MARK3: variants seen among roughly 807,000 people sequenced by gnomAD.
MARK3 encodes MAP/microtubule affinity-regulating kinase 3.
A neutral mutation model predicts 90.1 loss-of-function variants in MARK3; 46 were observed. That is an observed-to-expected ratio of 0.51 (90% CI 0.40 to 0.65). MARK3 has a LOEUF of 0.65. Among genes scored for constraint, MARK3 ranks in the 30% least tolerant of loss-of-function variants. MARK3 has a pLI of 0.00. For synonymous variants in MARK3, 321 were observed against 332.6 expected (o/e 0.97, Z 0.38); for missense variants, 818 against 947.2 (o/e 0.86, Z 1.79).
intron 14 of MARK3, chr14:103,491,000 A>G (rs2094006396): frequency 7.8e-7 from 1 of 1,287,974 alleles, no homozygotes; most frequent in Non-Finnish European, 1.0e-6. Context: ...CAGTTTGTAC[A>G]TCTACCTGTC....
Position 103,503,049 on chromosome 14 carries a change from G to A in MARK3, c.2084G>A (p.Arg695His), listed in dbSNP as rs759433768. The A allele has an allele frequency of 3.3e-5, 54 of 1,614,132 alleles. 1 individual carries two copies. The Admixed American group carries it at 4.8e-4, about 14-fold the overall frequency. The stretch of plus-strand genomic sequence containing the variant: ...AACTGCGACTATGAGCAGAGGGAGC[G>A]CTTCTTGCTCTTCTGCGTCCACGGA... ...ANNCDYEQRE[R>H]FLLFCVHGDG... is the part of the protein sequence containing the mutation. Residue 695 changes from arginine (R) to histidine (H), a missense_variant, in exon 18 of 18, where the codon CGC becomes CAC. By Grantham distance (29) the Arg-to-His change is conservative. This residue lies in a region of MARK3 where 560 missense variants were observed against 613.5 expected (regional missense o/e 0.91). Transcript: ENST00000429436.
At chr14:103,445,878 T>G (rs1216692792) in intron 3 of MARK3, among the ~76,000 whole-genome samples, 3 of 152,238 alleles carry the variant, frequency 2.0e-5, no homozygotes, top group Non-Finnish European at 2.9e-5. Flanking sequence ...ACAAGCATTG[T>G]GCTGCGGAGG....
At chr14:103,437,508 G>C (rs925512366) in intron 3 of MARK3, among the ~76,000 whole-genome samples, 1 of 152,202 alleles carries the variant, frequency 6.6e-6, no homozygotes, top group Non-Finnish European at 1.5e-5. Context: ...AGACTCCTGG[G>C]TTCAAGCATC....
rs374453093 is a variant in MARK3, at chr14:103,494,318, G to A, written c.1844+2284G>A. Among the ~76,000 whole-genome samples the A allele has an allele frequency of 3.3e-4, 50 of 150,746 alleles. No homozygotes were observed. In the East Asian group the frequency reaches 6.7e-3, roughly 20 times the overall value. On this transcript the variant is annotated intron_variant, in intron 15 of 17. Coordinates refer to ENST00000429436, the MANE Select transcript of MARK3 (RefSeq NM_001128918.3). ...TGTAATCCCAGCACTTTGGGAGGCC[G>A]AGGCAGGTGGATCACCTGAGGTCGG... is the stretch of plus-strand genomic sequence containing the variant.
chr14:103,460,208 C>T (rs1252231976), intron 6 of MARK3, among the ~76,000 whole-genome samples: 1 of 149,998 alleles, frequency 6.7e-6, no homozygotes, highest in Non-Finnish European at 1.5e-5. Flanking sequence ...GCCTCAGCCT[C>T]CCAAGTAGCT....
chr14:103,485,998 G>T (rs2093921895), intron 14 of MARK3, among the ~76,000 whole-genome samples: 1 of 152,032 alleles, frequency 6.6e-6, no homozygotes, highest in Non-Finnish European at 1.5e-5. Flanking sequence ...ATCAATTAAG[G>T]TTTAAATGTA....
intron 3 of MARK3, among the ~76,000 whole-genome samples, chr14:103,439,874 T>G (rs1380401565): frequency 6.6e-6 from 1 of 152,080 alleles, no homozygotes; most frequent in Non-Finnish European, 1.5e-5. Flanking sequence ...AGCCTCTGCC[T>G]CCTGGATTCA....
chr14:103,437,948 T>G (rs574851916), intron 3 of MARK3, among the ~76,000 whole-genome samples: 62 of 152,326 alleles, frequency 4.1e-4, no homozygotes, highest in Non-Finnish European at 8.5e-4. Context: ...CTACACACAC[T>G]TTATCTTATA....
chr14:103,425,372 G>A (rs12888042), intron 2 of MARK3, among the ~76,000 whole-genome samples: 43,004 of 151,540 alleles, frequency 0.28, 7,258 homozygotes, highest in Non-Finnish European at 0.36. Context: ...TGGTTCTCCC[G>A]CCTCAGCCTT....
At chr14:103,461,904 T>C (rs2093408498) in intron 6 of MARK3, among the ~76,000 whole-genome samples, 1 of 151,932 alleles carries the variant, frequency 6.6e-6, no homozygotes, top group Non-Finnish European at 1.5e-5. Flanking sequence ...GGCATGGTGG[T>C]GCACACTTGT....
At chr14:103,447,785 T>G (rs143568552) in intron 3 of MARK3, among the ~76,000 whole-genome samples, 95 of 150,696 alleles carry the variant, frequency 6.3e-4, no homozygotes, top group African/African-American at 2.1e-3. Context: ...TTTTTGTTTG[T>G]TTTTTTTTGA....
At chr14:103,413,492 C>T (rs7150651) in intron 2 of MARK3, among the ~76,000 whole-genome samples, 4,207 of 149,218 alleles carry the variant, frequency 0.028, 218 homozygotes, top group African/African-American at 0.098. Flanking sequence ...AGCGCGATCT[C>T]GGCTCACTGC....
At chr14:103,445,874 A>G (rs142417035) in intron 3 of MARK3, among the ~76,000 whole-genome samples, 45 of 152,330 alleles carry the variant, frequency 3.0e-4, no homozygotes, top group African/African-American at 1.1e-3. Flanking sequence ...TGTAACAAGC[A>G]TTGTGCTGCG....
At chr14:103,432,458 C>A (rs1382679657) in intron 3 of MARK3, among the ~76,000 whole-genome samples, 1 of 152,050 alleles carries the variant, frequency 6.6e-6, no homozygotes, top group Admixed American at 6.6e-5. Context: ...CTGGCCTTAT[C>A]GTGATTGTAA....
chr14:103,418,405 G>A (rs1413535259), intron 2 of MARK3, among the ~76,000 whole-genome samples: 1 of 152,032 alleles, frequency 6.6e-6, no homozygotes, highest in Non-Finnish European at 1.5e-5. Context: ...CACAAGCTGT[G>A]TTTGTATGAA....
At chr14:103,472,209 C>CAAAA (rs35696641) in intron 12 of MARK3, among the ~76,000 whole-genome samples, 1 of 96,824 alleles carries the variant, frequency 1.0e-5, no homozygotes, top group African/African-American at 5.1e-5. Flanking sequence ...GACTCCGTCT[C>CAAAA]AAAAAAAAAA....
intron 12 of MARK3, among the ~76,000 whole-genome samples, chr14:103,471,364 C>T (rs1207199548): frequency 6.6e-6 from 1 of 152,190 alleles, no homozygotes; most frequent in African/African-American, 2.4e-5. Context: ...CACCAAACCT[C>T]TGTTTTATCC....
At position 103,462,445 on chromosome 14, in the gene MARK3, T is replaced by C; in HGVS notation, c.524T>C (p.Val175Ala). The C allele has an allele frequency of 6.2e-7, 1 of 1,604,442 alleles. No individual in the cohort carries two copies. The highest frequency in any genetic ancestry group is 8.5e-7 in the Non-Finnish European group (1 of 1,171,968). Residue 175 changes from valine to alanine, a missense_variant, in exon 7 of 18, where the codon GTA (valine) becomes GCA (alanine). By Grantham distance (64) the Val-to-Ala change is moderately conservative. Coordinates refer to ENST00000429436, the MANE Select transcript of MARK3 (RefSeq NM_001128918.3). ...AVQYCHQKRI[V>A]HRDLKAENLL... ...CAATACTGCCATCAGAAACGGATCG[T>C]ACATCGAGACCTCAAGGTGAGTAGA...
intron 3 of MARK3, among the ~76,000 whole-genome samples, chr14:103,432,866 T>C (rs2092621871): frequency 6.6e-6 from 1 of 151,946 alleles, no homozygotes; most frequent in South Asian, 2.1e-4. Context: ...AAAAAAAAGC[T>C]GAAGCAAAGA....
Sources: allele counts gnomAD v4.1 joint callset (sites outside exome capture counted in the v4.1 genomes callset), GRCh38; gene constraint gnomAD v4.1.1; regional missense constraint gnomAD v4.1.1; transcripts MANE v1.5; gene names NCBI Gene and HGNC (gene_info 2026-07-23, HGNC 2026-07-21).